The following KCNMA1 variants were observed in gnomAD, a reference collection of about 807,000 sequenced individuals.
The protein encoded by KCNMA1 is potassium calcium-activated channel subfamily M alpha 1, also known as Calcium-activated potassium channel subunit alpha-1.
KCNMA1 carries 29 observed loss-of-function variants against 140.0 expected under a neutral mutation model. The ratio of observed to expected loss-of-function variants is 0.21; its 90% confidence interval spans 0.15 to 0.28. KCNMA1 has a LOEUF of 0.28. Among genes scored for constraint, KCNMA1 ranks in the 10% least tolerant of loss-of-function variants. KCNMA1 has a pLI of 1.00. For missense variants in KCNMA1, 880 were observed against 1,602.2 expected, an observed-to-expected ratio of 0.55 and a Z score of 7.70; for synonymous variants, 612 against 611.9, an observed-to-expected ratio of 1.00 and a Z score of 0.00.
intron 2 of KCNMA1, among the ~76,000 whole-genome samples, chr10:77,260,727 C>CA (rs1274280758): frequency 3.3e-5 from 5 of 151,824 alleles, no homozygotes; most frequent in African/African-American, 1.2e-4. Flanking sequence ...AACAAACAAA[C>CA]AAAAAACAAA....
chr10:76,886,589 A>G lies in KCNMA1; in HGVS notation c.*677T>C. On this transcript the variant is annotated 3_prime_UTR_variant, in exon 28 of 28. Coordinates refer to ENST00000286628, the MANE Select transcript of KCNMA1 (RefSeq NM_001161352.2). ...CTCCATATTAAGGTGAGAAATGTTCATAAGAACTCCCAGAGGGAACTGGCT... is the reference window on the plus strand; with the variant it reads ...CTCCATATTAAGGTGAGAAATGTTCGTAAGAACTCCCAGAGGGAACTGGCT... The G allele has an allele frequency of 1.0e-6, 1 of 988,356 alleles. No homozygotes were observed. Among genetic ancestry groups the G allele is most frequent in the Non-Finnish European group, 1.2e-6 (1 of 831,826 alleles). The allele number at this position is 988,356 out of a possible 1,614,324, so 61.2% of individuals were successfully genotyped here.
chr10:77,425,188 T>G (rs2096956322), intron 1 of KCNMA1, among the ~76,000 whole-genome samples: 1 of 152,098 alleles, frequency 6.6e-6, no homozygotes, highest in Non-Finnish European at 1.5e-5. Flanking sequence ...GGTGGCAGCT[T>G]GCAGAAGGAG....
intron 2 of KCNMA1, among the ~76,000 whole-genome samples, chr10:77,342,024 A>T (rs1366152339): frequency 6.6e-6 from 1 of 152,014 alleles, no homozygotes; most frequent in Non-Finnish European, 1.5e-5. Flanking sequence ...ATAACCCACA[A>T]CACTTGCCCT....
downstream of KCNMA1, among the ~76,000 whole-genome samples, chr10:76,882,007 T>A (rs1162954619): frequency 6.6e-6 from 1 of 152,102 alleles, no homozygotes; most frequent in Non-Finnish European, 1.5e-5. Context: ...ATCACTGAGA[T>A]CACAGGGTTT....
chr10:77,409,578 G>A (rs897155023), intron 1 of KCNMA1, among the ~76,000 whole-genome samples: 4 of 152,204 alleles, frequency 2.6e-5, no homozygotes, highest in Non-Finnish European at 4.4e-5. Flanking sequence ...CACCTAGCCT[G>A]GTACTGGGTT....
chr10:77,021,972 T>G (rs920001790), intron 16 of KCNMA1, among the ~76,000 whole-genome samples: 1 of 152,198 alleles, frequency 6.6e-6, no homozygotes, highest in African/African-American at 2.4e-5. Flanking sequence ...CTATACACAT[T>G]CCAAATCTAG....
downstream of KCNMA1, among the ~76,000 whole-genome samples, chr10:76,880,619 C>A (rs2034258969): frequency 6.6e-6 from 1 of 152,200 alleles, no homozygotes; most frequent in Non-Finnish European, 1.5e-5. Context: ...CAATGATCGC[C>A]AGCCATTCAG....
chr10:77,018,498 T>C (rs949454886), intron 17 of KCNMA1, among the ~76,000 whole-genome samples: 1 of 152,216 alleles, frequency 6.6e-6, no homozygotes, highest in Non-Finnish European at 1.5e-5. Flanking sequence ...GCACTTACAG[T>C]GGCTTAACAA....
intron 2 of KCNMA1, among the ~76,000 whole-genome samples, chr10:77,267,328 A>T (rs1428027064): frequency 4.6e-5 from 7 of 152,188 alleles, no homozygotes; most frequent in Non-Finnish European, 1.0e-4. Flanking sequence ...AGGCATCTCC[A>T]TTCTAAAGGT....
intron 3 of KCNMA1, among the ~76,000 whole-genome samples, chr10:77,249,186 A>G (rs904122339): frequency 1.3e-5 from 2 of 152,216 alleles, no homozygotes; most frequent in Non-Finnish European, 2.9e-5. Flanking sequence ...TCCTTGGGAT[A>G]GACTATTTGC....
At chr10:77,426,968 T>C (rs754302675) in intron 1 of KCNMA1, among the ~76,000 whole-genome samples, 31 of 152,264 alleles carry the variant, frequency 2.0e-4, no homozygotes, top group African/African-American at 7.0e-4. Flanking sequence ...ATACCTACAC[T>C]ATTACATGGA....
chr10:76,951,515 G>T (rs1053216692), intron 21 of KCNMA1, among the ~76,000 whole-genome samples: 3 of 152,050 alleles, frequency 2.0e-5, no homozygotes, highest in African/African-American at 7.3e-5. Flanking sequence ...TGTTTCATGG[G>T]TTACATTTTA....
chr10:77,015,536 T>TA (rs1306013985), intron 17 of KCNMA1, among the ~76,000 whole-genome samples: 3 of 152,074 alleles, frequency 2.0e-5, no homozygotes, highest in African/African-American at 7.2e-5. Flanking sequence ...GCACCCACAT[T>TA]TACATATTCA....
At chr10:76,906,134 C>T (rs564453339) in intron 25 of KCNMA1, among the ~76,000 whole-genome samples, 6 of 152,298 alleles carry the variant, frequency 3.9e-5, no homozygotes, top group South Asian at 4.1e-4. Context: ...AGCCATCTGG[C>T]GCTTGAGTCC....
intron 2 of KCNMA1, among the ~76,000 whole-genome samples, chr10:77,362,591 T>C (rs1286532585): frequency 6.6e-6 from 1 of 151,992 alleles, no homozygotes; most frequent in Non-Finnish European, 1.5e-5. Context: ...CAGCAGGCTT[T>C]CAATAAATGT....
intron 1 of KCNMA1, among the ~76,000 whole-genome samples, chr10:77,524,819 A>G (rs556145656): frequency 5.9e-5 from 9 of 152,342 alleles, no homozygotes; most frequent in African/African-American, 2.2e-4. Context: ...AGAAGGCTCT[A>G]AAGACTACTC....
At chr10:76,991,108 G>C (rs2082629069) in intron 19 of KCNMA1, among the ~76,000 whole-genome samples, 1 of 152,178 alleles carries the variant, frequency 6.6e-6, no homozygotes, top group Non-Finnish European at 1.5e-5. Flanking sequence ...GTGCCCACCT[G>C]CAGATGCTGA....
intron 2 of KCNMA1, among the ~76,000 whole-genome samples, chr10:77,331,384 T>G (rs531378431): frequency 5.9e-5 from 9 of 152,274 alleles, no homozygotes; most frequent in Admixed American, 5.9e-4. Context: ...ATTAAACATA[T>G]CCACTTCCAT....
At chr10:77,126,725 ACCCCCCCC>A (rs67566528) in intron 5 of KCNMA1, among the ~76,000 whole-genome samples, 1 of 123,740 alleles carries the variant, frequency 8.1e-6, no homozygotes, top group Non-Finnish European at 1.7e-5. Flanking sequence ...CCACCCCCCC[ACCCCCCCC>A]CCACCACCAC....
Sources: gnomAD v4.1 joint callset for allele counts (sites outside exome capture counted in the v4.1 genomes callset) on GRCh38, gnomAD v4.1.1 for gene constraint, MANE v1.5 for transcripts, NCBI Gene and HGNC (gene_info 2026-07-23, HGNC 2026-07-21) for gene names.